The following DMD variants were observed in gnomAD, a reference collection of about 807,000 sequenced individuals.
The protein encoded by DMD is dystrophin, also known as mutant dystrophin.
In DMD, 63 loss-of-function variants were observed where a neutral mutation model predicts 330.1. The ratio of observed to expected loss-of-function variants is 0.19; its 90% CI spans 0.16 to 0.24. The LOEUF (loss-of-function observed/expected upper bound fraction) is 0.24, where lower values mean the gene tolerates loss of function less well. Ranked by LOEUF, DMD falls within the 10% of genes least tolerant of loss-of-function variation. DMD has a pLI of 1.00. For missense variants in DMD, 3,344 were observed against 2,684.1 expected (o/e 1.25, Z -5.43); for synonymous variants, 1,223 against 959.8 (o/e 1.27, Z -5.07).
At chrX:31,344,792 A>G (rs1359384216) in intron 61 of DMD, among the ~76,000 whole-genome samples, 1 of 110,761 alleles carries the variant, frequency 9.0e-6, no homozygotes, top group Non-Finnish European at 1.9e-5. Context: ...GGGAGGTTGC[A>G]GTGAGCTGAG....
chrX:32,306,309 A>G (rs781542252), intron 42 of DMD, among the ~76,000 whole-genome samples: 1 of 111,061 alleles, frequency 9.0e-6, no homozygotes, highest in Non-Finnish European at 1.9e-5. Flanking sequence ...GTTTCTCAAG[A>G]GCAATGCAAA....
At chrX:33,123,730 T>TTG in intron 1 of DMD, among the ~76,000 whole-genome samples, 1 of 110,172 alleles carries the variant, frequency 9.1e-6, no homozygotes, top group East Asian at 2.8e-4. Context: ...AATGAGTTTT[T>TTG]TTTTTTTTTT....
intron 7 of DMD, among the ~76,000 whole-genome samples, chrX:32,744,286 A>AT (rs1206716951): frequency 9.1e-6 from 1 of 109,835 alleles, no homozygotes; most frequent in African/African-American, 3.3e-5. Flanking sequence ...TTTAACCCAC[A>AT]TCTTACTTAA....
intron 44 of DMD, among the ~76,000 whole-genome samples, chrX:32,055,602 T>C (rs2096164761): frequency 9.0e-6 from 1 of 111,585 alleles, no homozygotes; most frequent in East Asian, 2.8e-4. Context: ...ATACATTACA[T>C]ATATAAAAAC....
At chrX:31,973,556 C>T (rs1284990731) in intron 44 of DMD, among the ~76,000 whole-genome samples, 1 of 110,739 alleles carries the variant, frequency 9.0e-6, no homozygotes, top group Non-Finnish European at 1.9e-5. Flanking sequence ...ACTGCCTTCT[C>T]GGCTCCGTCT....
chrX:31,489,408 C>A (rs2069078863), intron 57 of DMD, among the ~76,000 whole-genome samples: 1 of 112,180 alleles, frequency 8.9e-6, no homozygotes, highest in Non-Finnish European at 1.9e-5. Context: ...GCTGGGATTA[C>A]AGGCATGAGC....
intron 63 of DMD, among the ~76,000 whole-genome samples, chrX:31,249,264 C>A (rs1196065685): frequency 9.0e-6 from 1 of 111,532 alleles, no homozygotes; most frequent in Non-Finnish European, 1.9e-5. Flanking sequence ...TTTTTTGAGA[C>A]AGAGTCTCAC....
intron 62 of DMD, among the ~76,000 whole-genome samples, chrX:31,307,399 GAATAT>G (rs1043515633): frequency 1.8e-5 from 2 of 111,448 alleles, no homozygotes; most frequent in African/African-American, 6.5e-5. Context: ...CAAGGACTTG[GAATAT>G]AATTGGCAAT....
intron 1 of DMD, among the ~76,000 whole-genome samples, chrX:33,158,525 G>A (rs1407480048): frequency 9.0e-6 from 1 of 111,504 alleles, no homozygotes; most frequent in Non-Finnish European, 1.9e-5. Flanking sequence ...ACCCACCACT[G>A]GGCATGCTCA....
At chrX:32,809,853 G>A (rs1202000596) in intron 6 of DMD, among the ~76,000 whole-genome samples, 1 of 102,099 alleles carries the variant, frequency 9.8e-6, no homozygotes, top group African/African-American at 3.6e-5. Flanking sequence ...AGACGGAGGT[G>A]GGCAGATCCT....
intron 1 of DMD, among the ~76,000 whole-genome samples, chrX:33,047,391 C>T (rs1485015436): frequency 1.8e-5 from 2 of 111,337 alleles, no homozygotes; most frequent in Non-Finnish European, 3.8e-5. Flanking sequence ...AACACTGGTG[C>T]CTCCCTTCTC....
At chrX:32,705,644 T>C (rs1040952000) in intron 7 of DMD, among the ~76,000 whole-genome samples, 2 of 111,419 alleles carry the variant, frequency 1.8e-5, no homozygotes, top group African/African-American at 6.5e-5. Context: ...TGAAAAGCCG[T>C]CTCAACTAAA....
intron 51 of DMD, among the ~76,000 whole-genome samples, chrX:31,735,912 A>G (rs2086840454): frequency 8.9e-6 from 1 of 112,080 alleles, no homozygotes; most frequent in Non-Finnish European, 1.9e-5. Context: ...TCTTGAACGT[A>G]TAACTTGTGC....
At chrX:31,699,798 T>C (rs1289860637) in intron 52 of DMD, among the ~76,000 whole-genome samples, 1 of 111,905 alleles carries the variant, frequency 8.9e-6, no homozygotes, top group African/African-American at 3.2e-5. Flanking sequence ...AGTAAAGTGA[T>C]ACAACAAAAT....
rs754035822 is a variant in DMD at position 33,051,646 on chromosome X, A to ATTTTTTTTTTT, written c.32-31457_32-31447dup. ...TAAGGAAAATATATAATTACGCTCT[A>ATTTTTTTTTTT]TTTTTTTTTTTTTTTTTTTGAGACG... On this transcript the variant is annotated intron_variant, in intron 1 of 78. Transcript: ENST00000357033. 4.3e-4 allele frequency among the ~76,000 whole-genome samples: 31 copies of ATTTTTTTTTTT among 71,919 alleles called. 4 individuals are homozygous for ATTTTTTTTTTT. The highest frequency in any genetic ancestry group is 2.0e-3 in the African/African-American group (31 of 15,370). 62.5% of individuals were successfully genotyped at this position (71,919 alleles called of 115,157 possible).
intron 18 of DMD, among the ~76,000 whole-genome samples, chrX:32,509,732 G>T (rs911812356): frequency 1.8e-5 from 2 of 111,778 alleles, no homozygotes; most frequent in Non-Finnish European, 3.8e-5. Context: ...CGTACTACTT[G>T]AACACAGTTT....
At chrX:32,346,157 T>A in intron 38 of DMD, 77 bp from the exon 39 acceptor site, 1 of 1,076,432 alleles carries the variant, frequency 9.3e-7, no homozygotes, top group African/African-American at 1.8e-5. Context: ...TAATAAGACA[T>A]GTTATTTAAA....
chrX:31,733,646 T>C (rs1379862014), intron 51 of DMD, among the ~76,000 whole-genome samples: 1 of 111,759 alleles, frequency 8.9e-6, no homozygotes, highest in Non-Finnish European at 1.9e-5. Flanking sequence ...AAAATAAGCA[T>C]AGAAGTCAGG....
intron 61 of DMD, among the ~76,000 whole-genome samples, chrX:31,332,768 T>C (rs1469488617): frequency 3.6e-5 from 4 of 112,398 alleles, no homozygotes; most frequent in Non-Finnish European, 7.5e-5. Flanking sequence ...CGGGTTAATC[T>C]ATGCAAAATG....
Sources: allele counts gnomAD v4.1 joint callset (sites outside exome capture counted in the v4.1 genomes callset), GRCh38; gene constraint gnomAD v4.1.1; transcripts MANE v1.5; gene names NCBI Gene and HGNC (gene_info 2026-07-23, HGNC 2026-07-21).